Variants in ZFPM2 observed in about 807,000 individuals in gnomAD.
The protein encoded by ZFPM2 is zinc finger protein, FOG family member 2, also known as zinc finger protein ZFPM2.
In ZFPM2, 20 loss-of-function variants were observed where a neutral mutation model predicts 98.6. That is an observed-to-expected ratio of 0.20 (90% CI 0.14 to 0.29). The LOEUF (loss-of-function observed/expected upper bound fraction) is 0.29. Ranked by LOEUF, ZFPM2 falls within the 10% of genes least tolerant of loss-of-function variation. The probability of loss-of-function intolerance (pLI) is 1.00; values close to 1 mark genes in which losing one functional copy is unlikely to be tolerated. For synonymous variants in ZFPM2, 518 were observed against 502.7 expected (o/e 1.03, Z -0.41); for missense variants, 1,310 against 1,388.6 (o/e 0.94, Z 0.90).
rs1481170808 is a variant in ZFPM2, at chr8:105,531,113, T to C, written c.302-30250T>C. On this transcript the variant is annotated intron_variant, in intron 3 of 7. Transcript: ENST00000407775. ...AAGTTACTTCTGTGTTCCAATGATA[T>C]GGGTTACCAAGATGGCAGCAAGAAG... Among the ~76,000 whole-genome samples, 7 of 152,118 alleles carry C rather than the reference T, an allele frequency of 4.6e-5. No individual in the cohort carries two copies. The East Asian group carries it at 5.8e-4, about 13-fold the overall frequency.
chr8:105,621,476 G>A (rs1206501228), intron 4 of ZFPM2, among the ~76,000 whole-genome samples: 1 of 152,026 alleles, frequency 6.6e-6, no homozygotes, highest in Non-Finnish European at 1.5e-5. Flanking sequence ...CTGCAAACAG[G>A]GTCAATTTGA....
At chr8:105,523,432 A>G (rs1294942414) in intron 3 of ZFPM2, among the ~76,000 whole-genome samples, 1 of 152,172 alleles carries the variant, frequency 6.6e-6, no homozygotes, top group Non-Finnish European at 1.5e-5. Flanking sequence ...TTCTGCAGCC[A>G]CACTGCTCGC....
intron 5 of ZFPM2, among the ~76,000 whole-genome samples, chr8:105,684,374 C>A (rs370947405): frequency 7.9e-5 from 12 of 152,074 alleles, no homozygotes; most frequent in African/African-American, 2.9e-4. Flanking sequence ...TCAAAAATTA[C>A]CTTAATTTTC....
intron 5 of ZFPM2, among the ~76,000 whole-genome samples, chr8:105,697,677 A>C (rs555502237): frequency 6.6e-6 from 1 of 152,286 alleles, no homozygotes; most frequent in East Asian, 1.9e-4. Context: ...ATGCACATGA[A>C]AAAATTAGAT....
rs1474034456 is a variant in ZFPM2 at position 105,803,575 on chromosome 8, T to C, written c.*37T>C. 1.3e-6 allele frequency: 2 copies of C among 1,565,064 alleles called. No homozygotes were observed. Among genetic ancestry groups the C allele is most frequent in the Admixed American group, 1.9e-5 (1 of 53,136 alleles). ...ATCAGTCACCTTTGGTATCAGTGTTTAGTATGTTGTTCTAACCAGTCCAGA... is the reference window on the plus strand; with the variant it reads ...ATCAGTCACCTTTGGTATCAGTGTTCAGTATGTTGTTCTAACCAGTCCAGA... On this transcript the variant is annotated 3_prime_UTR_variant, in exon 8 of 8. Coordinates refer to ENST00000407775, the MANE Select transcript of ZFPM2 (RefSeq NM_012082.4).
At position 105,781,236 on chromosome 8, in the gene ZFPM2, T is replaced by G. The variant is rs79304139; in HGVS notation, c.533-7482T>G. On this transcript the variant is annotated intron_variant, in intron 5 of 7. Transcript: ENST00000407775. ...AAGATCGCCAGTCAGTGCTTGATGG[T>G]TAGGTCGAATCTTGATGCCCTTTTT... 2.6e-3 allele frequency among the ~76,000 whole-genome samples: 389 copies of G among 152,318 alleles called. 2 individuals carry two copies. Among genetic ancestry groups the G allele is most frequent in the African/African-American group, 8.5e-3 (352 of 41,554 alleles).
intron 3 of ZFPM2, among the ~76,000 whole-genome samples, chr8:105,508,938 G>T (rs550347572): frequency 6.6e-6 from 1 of 151,896 alleles, no homozygotes; most frequent in East Asian, 2.0e-4. Flanking sequence ...AGCTACCCCA[G>T]CAGAAAAGAG....
intron 5 of ZFPM2, 93 bp from the exon 6 acceptor site, chr8:105,788,625 A>G (rs1813493077): frequency 6.3e-6 from 8 of 1,263,260 alleles, no homozygotes; most frequent in Non-Finnish European, 9.2e-6. Context: ...CCAGTGTGAA[A>G]AACATGAGAA....
At chr8:105,795,246 TTGTGTGTGTGTGTGTGTG>T (rs780534248) in intron 6 of ZFPM2, among the ~76,000 whole-genome samples, 8 of 138,228 alleles carry the variant, frequency 5.8e-5, no homozygotes, top group East Asian at 2.1e-4. Context: ...CATTTTATCT[TTGTGTGTGTGTGTGTGTG>T]TGTGTGTGTG....
rs553976651 is a variant in ZFPM2, at chr8:105,688,819, TA to T, written c.532+54463del. ...CTCTTCTCATTCTCTATCATGTACT[TA>T]GCAAATATTGTCTATTATGTACATA... On this transcript the variant is annotated intron_variant, in intron 5 of 7. Transcript: ENST00000407775. 2.0e-5 allele frequency among the ~76,000 whole-genome samples: 3 copies of T among 152,284 alleles called. No homozygotes were observed. The South Asian group carries it at 6.2e-4, about 32-fold the overall frequency.
intron 3 of ZFPM2, among the ~76,000 whole-genome samples, chr8:105,560,351 A>C (rs1274744097): frequency 1.3e-5 from 2 of 151,946 alleles, no homozygotes; most frequent in Non-Finnish European, 2.9e-5. Flanking sequence ...TCATATTCTC[A>C]TGTCTGCTGT....
intron 3 of ZFPM2, among the ~76,000 whole-genome samples, chr8:105,491,476 G>T (rs561467154): frequency 6.6e-6 from 1 of 152,206 alleles, no homozygotes; most frequent in East Asian, 1.9e-4. Context: ...TCATCATTCC[G>T]TTTATCACAG....
intron 3 of ZFPM2, among the ~76,000 whole-genome samples, chr8:105,558,879 G>A (rs187190514): frequency 8.6e-5 from 13 of 152,030 alleles, no homozygotes; most frequent in Admixed American, 5.2e-4. Context: ...TATTTTAAAT[G>A]GTAAATTGTA....
At chr8:105,711,902 G>C (rs1811410239) in intron 5 of ZFPM2, among the ~76,000 whole-genome samples, 1 of 152,084 alleles carries the variant, frequency 6.6e-6, no homozygotes, top group South Asian at 2.1e-4. Flanking sequence ...TCTTTCTATG[G>C]TTTTATATAT....
At chr8:105,523,493 G>A (rs991530688) in intron 3 of ZFPM2, among the ~76,000 whole-genome samples, 1 of 152,198 alleles carries the variant, frequency 6.6e-6, no homozygotes, top group African/African-American at 2.4e-5. Context: ...CCAGTGAGTG[G>A]TGGGATCGTC....
At chr8:105,597,848 G>A (rs552188165) in intron 4 of ZFPM2, among the ~76,000 whole-genome samples, 1 of 152,066 alleles carries the variant, frequency 6.6e-6, no homozygotes, top group South Asian at 2.1e-4. Flanking sequence ...TAGTACCGCT[G>A]CACTATAACT....
At chr8:105,495,339 T>C (rs1473892486) in intron 3 of ZFPM2, among the ~76,000 whole-genome samples, 1 of 152,208 alleles carries the variant, frequency 6.6e-6, no homozygotes, top group Non-Finnish European at 1.5e-5. Flanking sequence ...GGCACATGTA[T>C]ACATAGGTAA....
intron 4 of ZFPM2, among the ~76,000 whole-genome samples, chr8:105,590,762 G>GCACACA (rs71305167): frequency 0.098 from 14,722 of 149,880 alleles, 717 homozygotes; most frequent in Middle Eastern, 0.13. Flanking sequence ...ACGTGCGCAC[G>GCACACA]CACACACACA....
intron 5 of ZFPM2, among the ~76,000 whole-genome samples, chr8:105,778,368 T>A (rs1391483672): frequency 7.0e-6 from 1 of 143,670 alleles, no homozygotes; most frequent in Non-Finnish European, 1.5e-5. Context: ...TGTGAGATTT[T>A]TTCTAATTAT....
Sources: allele counts gnomAD v4.1 joint callset (sites outside exome capture counted in the v4.1 genomes callset), GRCh38; gene constraint gnomAD v4.1.1; transcripts MANE v1.5; gene names NCBI Gene and HGNC (gene_info 2026-07-23, HGNC 2026-07-21).